The following DROSHA variants were observed in gnomAD, a reference collection of about 807,000 sequenced individuals.
The protein encoded by DROSHA is ribonuclease 3.
A neutral mutation model predicts 181.9 loss-of-function variants in DROSHA; 56 were observed. The ratio of observed to expected loss-of-function variants is 0.31; its 90% confidence interval spans 0.25 to 0.38. The LOEUF (loss-of-function observed/expected upper bound fraction) is 0.38, where lower values mean the gene tolerates loss of function less well. DROSHA is among the 10% of genes least tolerant of loss of function. The pLI is 1.00. For synonymous variants in DROSHA, 524 were observed against 591.2 expected, an observed-to-expected ratio of 0.89 and a Z score of 1.65; for missense variants, 1,218 against 1,743.5, an observed-to-expected ratio of 0.70 and a Z score of 5.37.
chr5:31,499,705 CT>C (rs1376040458), intron 11 of DROSHA, among the ~76,000 whole-genome samples: 5 of 152,208 alleles, frequency 3.3e-5, no homozygotes, highest in Admixed American at 2.0e-4. Flanking sequence ...AAATCTCAGA[CT>C]GCTTGTTCCC....
intron 7 of DROSHA, 81 bp downstream of exon 7, chr5:31,515,373 C>G: frequency 9.7e-7 from 1 of 1,033,958 alleles, no homozygotes; most frequent in Non-Finnish European, 1.4e-6. Flanking sequence ...CTCCCAAATA[C>G]CAGTCTGGTG....
chr5:31,488,664 C>T (rs561328951), intron 13 of DROSHA, among the ~76,000 whole-genome samples: 13 of 152,046 alleles, frequency 8.6e-5, no homozygotes, highest in East Asian at 3.9e-4. Flanking sequence ...TATATGGCAA[C>T]GAGAAATCAT....
Position 31,530,933 on chromosome 5 carries a change from A to G in DROSHA, c.-173-9T>C, listed in dbSNP as rs1452695976. ...TCCCCGGGAAAAGCAACCTACACACAGTAGGTGGTCAATAAATGTTTACTC... is the reference window on the plus strand; with the variant it reads ...TCCCCGGGAAAAGCAACCTACACACGGTAGGTGGTCAATAAATGTTTACTC... On this transcript the variant is annotated splice_polypyrimidine_tract_variant and intron_variant, in intron 2 of 35. Transcript: ENST00000344624. 5.0e-6 allele frequency: 2 copies of G among 398,366 alleles called. No homozygotes were observed. The highest frequency in any genetic ancestry group is 8.8e-6 in the Non-Finnish European group (2 of 226,016). The allele number at this position is 398,366 out of a possible 1,614,324, so 24.7% of individuals were successfully genotyped here. A position where few individuals can be genotyped will look rare whatever the true frequency, so the allele number is the denominator to read the frequency against.
At chr5:31,482,727 T>C (rs1192412514) in intron 16 of DROSHA, among the ~76,000 whole-genome samples, 1 of 150,822 alleles carries the variant, frequency 6.6e-6, no homozygotes, top group Non-Finnish European at 1.5e-5. Context: ...AGGAAATAAA[T>C]AAAGAAGGAG....
chr5:31,434,043 C>T (rs1290877574), intron 25 of DROSHA, among the ~76,000 whole-genome samples: 1 of 152,216 alleles, frequency 6.6e-6, no homozygotes, highest in Non-Finnish European at 1.5e-5. Flanking sequence ...CTGCCACAGC[C>T]TTCTGCTGCA....
In DROSHA at chr5:31,508,715, T is replaced by C. The variant is rs1373401772; in HGVS notation, c.1493A>G (p.Asp498Gly). ...TGCAATAACGTCAAAAACTTCAGAG[T>C]CTGAGCTGCTAGAACAGGTGCTGTC... ...DEDSTCSSSS[D>G]SEVFDVIAEI... The change falls in exon 10 of 36, where the codon GAC (aspartate) becomes GGC (glycine). Residue 498 changes from aspartate to glycine, a missense_variant. This residue lies in a region of DROSHA where 460 missense variants were observed against 774.2 expected (regional missense o/e 0.59). Transcript: ENST00000344624. 1.9e-6 allele frequency: 3 copies of C among 1,613,804 alleles called. No individual in the cohort carries two copies. The highest frequency in any genetic ancestry group is 2.5e-6 in the Non-Finnish European group (3 of 1,179,878).
intron 4 of DROSHA, 55 bp from the exon 5 acceptor site, chr5:31,526,967 T>G: frequency 2.0e-6 from 3 of 1,498,146 alleles, no homozygotes; most frequent in Non-Finnish European, 1.8e-6. Flanking sequence ...ATTCTTACTA[T>G]GTAAACAGGG....
intron 17 of DROSHA, among the ~76,000 whole-genome samples, chr5:31,468,284 T>C (rs543546750): frequency 6.6e-6 from 1 of 152,342 alleles, no homozygotes; most frequent in African/African-American, 2.4e-5. Flanking sequence ...TGAACAATGA[T>C]TTTGTCCTTT....
rs538028543 is a variant in DROSHA at position 31,441,286 on chromosome 5, C to T, written c.2883-3988G>A. ...ATGAGCTGGGTGTGGTGGCACGTGCCTGTAGTCTCAGCTACTCTGGAGGCT... is the reference window on the plus strand; with the variant it reads ...ATGAGCTGGGTGTGGTGGCACGTGCTTGTAGTCTCAGCTACTCTGGAGGCT... On this transcript the variant is annotated intron_variant, in intron 23 of 35. Coordinates refer to ENST00000344624, the MANE Select transcript of DROSHA (RefSeq NM_001382508.1). Among the ~76,000 whole-genome samples the T allele has an allele frequency of 6.6e-4, 100 of 152,148 alleles. No homozygotes were observed. The South Asian group carries it at 8.1e-3, about 12-fold the overall frequency.
rs2149980578 is a variant in DROSHA, at chr5:31,400,691, A to G, written c.*741T>C. 6.6e-6 allele frequency: 1 copy of G among 152,394 alleles called. No homozygotes were observed. Among genetic ancestry groups the G allele is most frequent in the African/African-American group, 2.4e-5 (1 of 41,576 alleles). 9.4% of individuals were successfully genotyped at this position (152,394 alleles called of 1,614,324 possible). A position where few individuals can be genotyped will look rare whatever the true frequency, so the allele number is the denominator to read the frequency against. ...CCTCTCAAATCTCAAACACACACAG[A>G]AAATTGAATATAGTATTGGGAGGTT... On this transcript the variant is annotated 3_prime_UTR_variant, in exon 36 of 36. Transcript: ENST00000344624.
chr5:31,484,988 A>G, intron 14 of DROSHA, 26 bp from the exon 15 acceptor site: 1 of 1,519,428 alleles, frequency 6.6e-7, no homozygotes, highest in Non-Finnish European at 8.9e-7. Context: ...AAATTAAATT[A>G]CTGTAGTTTG....
chr5:31,486,737 A>G lies in DROSHA; in HGVS notation c.1843-175T>C. 5.4e-6 allele frequency: 3 copies of G among 551,908 alleles called. No individual in the cohort carries two copies. The South Asian group carries it at 7.7e-5, about 14-fold the overall frequency. 34.2% of individuals were successfully genotyped at this position (551,908 alleles called of 1,614,324 possible). A position where few individuals can be genotyped will look rare whatever the true frequency, so the allele number is the denominator to read the frequency against. ...ACCACAACTGCTGGATTTTAATGAC[A>G]AGAACCCAGCTGGCCTGGCCTCGCC... is the stretch of plus-strand genomic sequence containing the variant. On this transcript the variant is annotated intron_variant, in intron 13 of 35. Transcript: ENST00000344624.
chr5:31,506,750 CTTG>C (rs2150051501), intron 10 of DROSHA, among the ~76,000 whole-genome samples: 1 of 151,678 alleles, frequency 6.6e-6, no homozygotes, highest in Non-Finnish European at 1.5e-5. Context: ...CCAGTCATGA[CTTG>C]TTGTGATGAA....
Position 31,402,966 on chromosome 5 carries a change from C to T in DROSHA, c.3995-1404G>A, listed in dbSNP as rs188288724. On this transcript the variant is annotated intron_variant, in intron 35 of 35. Coordinates refer to ENST00000344624, the MANE Select transcript of DROSHA (RefSeq NM_001382508.1). ...ACCGGCTAATTTTTGTATTTTTAGT[C>T]GAGATGGGGTTTCGCCATGCTGGCC... Among the ~76,000 whole-genome samples the T allele has an allele frequency of 5.1e-3, 779 of 152,174 alleles. 8 individuals carry two copies. Among genetic ancestry groups the T allele is most frequent in the African/African-American group, 0.018 (729 of 41,524 alleles).
chr5:31,474,779 G>A (rs1750169885), intron 16 of DROSHA, among the ~76,000 whole-genome samples: 1 of 152,162 alleles, frequency 6.6e-6, no homozygotes, highest in Non-Finnish European at 1.5e-5. Flanking sequence ...CAAGAAACAT[G>A]AAAGAGCTTG....
intron 20 of DROSHA, among the ~76,000 whole-genome samples, chr5:31,453,418 TCTTAAACTCCTG>T (rs1183254813): frequency 6.6e-6 from 1 of 152,152 alleles, no homozygotes; most frequent in Admixed American, 6.5e-5. Context: ...CCCAGGTTGG[TCTTAAACTCCTG>T]GGCTCAAGGG....
At chr5:31,480,742 C>A (rs4463191) in intron 16 of DROSHA, among the ~76,000 whole-genome samples, 139,399 of 152,208 alleles carry the variant, frequency 0.92, 64,239 homozygotes, top group Non-Finnish European at 0.98. Context: ...GCATTTACTG[C>A]GTCCCTGCTA....
At chr5:31,448,417 T>C in intron 23 of DROSHA, 130 bp downstream of exon 23, 2 of 740,280 alleles carry the variant, frequency 2.7e-6, no homozygotes, top group Non-Finnish European at 4.5e-6. Flanking sequence ...GTTGCAAAAT[T>C]AGATGATGGC....
intron 20 of DROSHA, among the ~76,000 whole-genome samples, chr5:31,459,892 C>T (rs1029379877): frequency 6.6e-6 from 1 of 152,152 alleles, no homozygotes; most frequent in Non-Finnish European, 1.5e-5. Context: ...ACCTGTGCTT[C>T]CTTTTTTTTT....
Sources: gnomAD v4.1 joint callset for allele counts (sites outside exome capture counted in the v4.1 genomes callset) on GRCh38, gnomAD v4.1.1 for gene constraint, gnomAD v4.1.1 regional missense constraint, MANE v1.5 for transcripts, NCBI Gene and HGNC (gene_info 2026-07-23, HGNC 2026-07-21) for gene names.